The following TMEM132A variants were observed in gnomAD, a reference collection of about 807,000 sequenced individuals.
TMEM132A encodes the protein transmembrane protein 132A.
A neutral mutation model predicts 69.9 loss-of-function variants in TMEM132A; 48 were observed. That is an observed-to-expected ratio of 0.69 (90% CI 0.55 to 0.87). The LOEUF is 0.87. Ranked by LOEUF, TMEM132A falls within the 40% of genes least tolerant of loss-of-function variation. The pLI is 0.00. For synonymous variants in TMEM132A, 577 were observed against 613.7 expected (o/e 0.94, Z 0.88); for missense variants, 1,287 against 1,407.2 (o/e 0.91, Z 1.37).
At position 60,936,677 on chromosome 11, in the gene TMEM132A, T is replaced by C; in HGVS notation, c.2842T>C (p.Ser948Pro). The change falls in exon 11 of 11, where the codon TCA becomes CCA. Residue 948 changes from serine (S) to proline (P), a missense_variant. Ser to Pro is a moderately conservative substitution (Grantham distance 74). Coordinates refer to ENST00000453848, the MANE Select transcript of TMEM132A (RefSeq NM_178031.3). Reference protein sequence around the residue: ...PGPPGGTTSSSSTLARKEAGG... With the variant: ...PGPPGGTTSSPSTLARKEAGG... ...CCCTCCTGGGGGCACCACCAGCTCC[T>C]CAAGCACCCTGGCCCGAAAGGAGGC... 1 of 1,556,496 alleles carries C rather than the reference T, an allele frequency of 6.4e-7. No individual in the cohort carries two copies. The highest frequency in any genetic ancestry group is 1.2e-5 in the South Asian group (1 of 82,120).
In TMEM132A at chr11:60,936,951, G is replaced by A. The variant is rs1345248292; in HGVS notation, c.*44G>A. 4.1e-6 allele frequency: 6 copies of A among 1,478,048 alleles called. No individual in the cohort carries two copies. The highest frequency in any genetic ancestry group is 2.3e-4 in the Middle Eastern group (1 of 4,284). 91.6% of individuals were successfully genotyped at this position (1,478,048 alleles called of 1,614,324 possible). On this transcript the variant is annotated 3_prime_UTR_variant, in exon 11 of 11. Transcript: ENST00000453848. ...TCAGCCACCAGCTGGGGCAACGAGG[G>A]TGGAGGTCCCACTGAGCCTCTCGCC...
chr11:60,930,273 C>T (rs1856446916), intron 4 of TMEM132A, among the ~76,000 whole-genome samples: 1 of 152,108 alleles, frequency 6.6e-6, no homozygotes, highest in Admixed American at 6.5e-5. Context: ...CCCCAAATGC[C>T]CGGCTAAGCT....
In TMEM132A at chr11:60,931,735, A is replaced by T. The variant is rs1856483378; in HGVS notation, c.1063A>T (p.Asn355Tyr). The change falls in exon 6 of 11, where the codon AAT (asparagine) becomes TAT (tyrosine). Residue 355 changes from asparagine (N) to tyrosine (Y), a missense_variant. Asn to Tyr is a moderately radical substitution (Grantham distance 143). Transcript: ENST00000453848. ...EFLWVDFVVE[N>Y]STGGGVAVTR... ...CCTATGGGTGGACTTTGTGGTGGAGAATAGCACTGGTGGGGGCGTAGCGGT... is the reference window on the plus strand; with the variant it reads ...CCTATGGGTGGACTTTGTGGTGGAGTATAGCACTGGTGGGGGCGTAGCGGT... 1 of 1,614,148 alleles carries T rather than the reference A, an allele frequency of 6.2e-7. No homozygotes were observed. The highest frequency in any genetic ancestry group is 1.7e-5 in the Admixed American group (1 of 60,024).
Position 60,934,483 on chromosome 11 carries a change from T to C in TMEM132A, c.1560-5T>C, listed in dbSNP as rs1856546147. 2 of 1,379,352 alleles carry C rather than the reference T, an allele frequency of 1.4e-6. No individual in the cohort carries two copies. Among genetic ancestry groups the C allele is most frequent in the Non-Finnish European group, 1.9e-6 (2 of 1,073,912 alleles). The allele number at this position is 1,379,352 out of a possible 1,614,324, so 85.4% of individuals were successfully genotyped here. On this transcript the variant is annotated splice_region_variant and splice_polypyrimidine_tract_variant and intron_variant, in intron 8 of 10. Coordinates refer to ENST00000453848, the MANE Select transcript of TMEM132A (RefSeq NM_178031.3). The stretch of plus-strand genomic sequence containing the variant: ...ACGGCCAGTCCCGGCCTCCCCGCCC[T>C]GCAGGCCTGCGGAACCCGCTGCAGA...
chr11:60,927,162 G>A, intron 1 of TMEM132A, 42 bp from the exon 2 acceptor site: 1 of 1,571,282 alleles, frequency 6.4e-7, no homozygotes, highest in Non-Finnish European at 8.7e-7. Flanking sequence ...GCCCCTGCCA[G>A]CTCTGGAGCT....
intron 3 of TMEM132A, among the ~76,000 whole-genome samples, chr11:60,928,080 C>T (rs1019143531): frequency 6.6e-6 from 1 of 152,204 alleles, no homozygotes; most frequent in Non-Finnish European, 1.5e-5. Flanking sequence ...GTAACTTAAT[C>T]TCTCTGAGAT....
At position 60,928,926 on chromosome 11, in the gene TMEM132A, C is replaced by T. The variant is rs200263361; in HGVS notation, c.832C>T (p.Arg278Trp). The change falls in exon 4 of 11, where the codon CGG (arginine) becomes TGG (tryptophan). Residue 278 changes from arginine to tryptophan, a missense_variant. Transcript: ENST00000453848. The part of the protein sequence containing the change: ...GQLFSATLLL[R>W]HNFTASLLTL... ...GCTCTTTAGTGCTACCCTCCTGCTT[C>T]GGCACAACTTCACAGCCAGCCTCCT... 4.3e-5 allele frequency: 70 copies of T among 1,612,552 alleles called. No individual in the cohort carries two copies. The highest frequency in any genetic ancestry group is 6.7e-5 in the African/African-American group (5 of 74,938).
intron 8 of TMEM132A, 56 bp downstream of exon 8, chr11:60,933,800 AG>A: frequency 6.8e-7 from 1 of 1,480,472 alleles, no homozygotes. Context: ...TGGGACGGAG[AG>A]GGCGCAGGGG....
chr11:60,936,915 C>A lies in TMEM132A; in HGVS notation c.*8C>A. Reference sequence around the variant, plus strand: ...ATCCGGGGCAGCTCCTGACCCTCCACAGCCACCTGGTCAGCCACCAGCTGG... The same window carrying A: ...ATCCGGGGCAGCTCCTGACCCTCCAAAGCCACCTGGTCAGCCACCAGCTGG... On this transcript the variant is annotated 3_prime_UTR_variant, in exon 11 of 11. Coordinates refer to ENST00000453848, the MANE Select transcript of TMEM132A (RefSeq NM_178031.3). The A allele has an allele frequency of 1.3e-6, 2 of 1,520,760 alleles. No homozygotes were observed. Among genetic ancestry groups the A allele is most frequent in the South Asian group, 1.3e-5 (1 of 76,332 alleles). 94.2% of individuals were successfully genotyped at this position (1,520,760 alleles called of 1,614,324 possible).
chr11:60,928,547 G>T, intron 3 of TMEM132A, 82 bp from the exon 4 acceptor site: 1 of 1,355,782 alleles, frequency 7.4e-7, no homozygotes, highest in Non-Finnish European at 1.0e-6. Context: ...CCAGCTCTGG[G>T]TTTCCTGCCA....
chr11:60,930,099 A>T (rs2134899384), intron 4 of TMEM132A, among the ~76,000 whole-genome samples: 1 of 152,360 alleles, frequency 6.6e-6, no homozygotes, highest in South Asian at 2.1e-4. Flanking sequence ...AAGCATCAGC[A>T]GGTAAAGTAA....
At position 60,928,687 on chromosome 11, in the gene TMEM132A, C is replaced by T. The variant is rs764212945; in HGVS notation, c.593C>T (p.Ala198Val). ...CTTCCCTCGCACTGGTTCTCACAGGCCTCCACCACACGGGCCGAGCTGGCC... is the reference window on the plus strand; with the variant it reads ...CTTCCCTCGCACTGGTTCTCACAGGTCTCCACCACACGGGCCGAGCTGGCC... Reference protein sequence around the residue: ...LELPSHWFSQASTTRAELAYT... With the variant: ...LELPSHWFSQVSTTRAELAYT... Residue 198 changes from alanine (A) to valine (V), a missense_variant, in exon 4 of 11, where the codon GCC becomes GTC. Coordinates refer to ENST00000453848, the MANE Select transcript of TMEM132A (RefSeq NM_178031.3). The T allele has an allele frequency of 1.9e-6, 3 of 1,610,970 alleles. No individual in the cohort carries two copies. Among genetic ancestry groups the T allele is most frequent in the Non-Finnish European group, 2.5e-6 (3 of 1,179,860 alleles).
At position 60,924,577 on chromosome 11, in the gene TMEM132A, C is replaced by A. The variant is rs559735404; in HGVS notation, c.-57C>A. The A allele has an allele frequency of 4.3e-6, 6 of 1,406,170 alleles. No individual in the cohort carries two copies. In the Admixed American group the frequency reaches 6.2e-5, roughly 15 times the overall value. 87.1% of individuals were successfully genotyped at this position (1,406,170 alleles called of 1,614,324 possible). A position where few individuals can be genotyped will look rare whatever the true frequency, so the allele number is the denominator to read the frequency against. ...GGCGCGGAGCGGGTGCGGGAGATGC[C>A]GTGCGGGACTGGGGCCACCTGAGCC... is the stretch of plus-strand genomic sequence containing the variant. On this transcript the variant is annotated 5_prime_UTR_variant, in exon 1 of 11. Coordinates refer to ENST00000453848, the MANE Select transcript of TMEM132A (RefSeq NM_178031.3).
chr11:60,932,208 T>C, intron 7 of TMEM132A, 81 bp downstream of exon 7: 3 of 1,449,230 alleles, frequency 2.1e-6, no homozygotes, highest in Non-Finnish European at 2.7e-6. Context: ...TCCTTCCTCA[T>C]GTGGGTCCCC....
chr11:60,937,037 A>T lies in TMEM132A; in HGVS notation c.*130A>T, dbSNP rs1856624538. ...GTCCCCTGCCTGGTCCCCCACAAGGACTCCCATCCAGGCCCCCTCTGCCCT... is the reference window on the plus strand; with the variant it reads ...GTCCCCTGCCTGGTCCCCCACAAGGTCTCCCATCCAGGCCCCCTCTGCCCT... On this transcript the variant is annotated 3_prime_UTR_variant, in exon 11 of 11. Transcript: ENST00000453848. 2 of 1,256,402 alleles carry T rather than the reference A, an allele frequency of 1.6e-6. No individual in the cohort carries two copies. The highest frequency in any genetic ancestry group is 2.1e-6 in the Non-Finnish European group (2 of 934,636). 77.8% of individuals were successfully genotyped at this position (1,256,402 alleles called of 1,614,324 possible).
At chr11:60,934,319 C>CT in intron 8 of TMEM132A, 169 bp from the exon 9 acceptor site, 1 of 561,374 alleles carries the variant, frequency 1.8e-6, no homozygotes, top group South Asian at 4.2e-5. Flanking sequence ...GGCTCGCCTG[C>CT]AGGTGGAAGG....
Position 60,936,747 on chromosome 11 carries a change from C to T in TMEM132A, c.2912C>T (p.Ala971Val), listed in dbSNP as rs758660500. 1.1e-5 allele frequency: 18 copies of T among 1,603,288 alleles called. No individual in the cohort carries two copies. The highest frequency in any genetic ancestry group is 1.0e-4 in the Admixed American group (6 of 57,358). Reference protein sequence around the residue: ...KRVEFVTFAPAPPAQSPEEPV... With the variant: ...KRVEFVTFAPVPPAQSPEEPV... ...GTAGAGTTTGTGACATTTGCGCCAG[C>T]CCCTCCAGCCCAGTCACCTGAGGAG... Residue 971 changes from alanine (A) to valine (V), a missense_variant, in exon 11 of 11, where the codon GCC becomes GTC. By Grantham distance (64) the Ala-to-Val change is moderately conservative (BLOSUM62 0). Coordinates refer to ENST00000453848, the MANE Select transcript of TMEM132A (RefSeq NM_178031.3).
chr11:60,926,698 A>G (rs555164818), intron 1 of TMEM132A: 1 of 214,742 alleles, frequency 4.7e-6, no homozygotes, highest in South Asian at 7.2e-5. Context: ...GGAAGAAGGG[A>G]GCAAGCTTGG....
Position 60,936,316 on chromosome 11 carries a change from G to C in TMEM132A, c.2481G>C (p.Glu827Asp), listed in dbSNP as rs1435828696. 1.2e-6 allele frequency: 2 copies of C among 1,613,738 alleles called. No individual in the cohort carries two copies. Among genetic ancestry groups the C allele is most frequent in the Non-Finnish European group, 1.7e-6 (2 of 1,179,782 alleles). ...GGAAGGAGGAGACCGAAGCCAGGGA[G>C]GAGGAGGAGGAAGAGGAGGAGGAGA... is the stretch of plus-strand genomic sequence containing the variant. The part of the protein sequence containing the change: ...EARKEETEAR[E>D]EEEEEEEEMV... The change falls in exon 11 of 11, where the codon GAG becomes GAC. Residue 827 changes from glutamate to aspartate, a missense_variant. By Grantham distance (45) the Glu-to-Asp change is conservative. Coordinates refer to ENST00000453848, the MANE Select transcript of TMEM132A (RefSeq NM_178031.3).
Sources: allele counts gnomAD v4.1 joint callset (sites outside exome capture counted in the v4.1 genomes callset), GRCh38; gene constraint gnomAD v4.1.1; transcripts MANE v1.5; gene names NCBI Gene and HGNC (gene_info 2026-07-23, HGNC 2026-07-21).